The following RAD51B variants were observed in gnomAD, a reference collection of about 807,000 sequenced individuals.
The protein encoded by RAD51B is RAD51 paralog B.
RAD51B carries 38 observed loss-of-function variants against 42.2 expected under a neutral mutation model. The ratio of observed to expected loss-of-function variants is 0.90; its 90% CI spans 0.70 to 1.18. RAD51B has a LOEUF of 1.18. Ranked by LOEUF, RAD51B falls within the 50% of genes most tolerant of loss-of-function variation. RAD51B has a pLI of 0.00. For synonymous variants in RAD51B, 154 were observed against 145.2 expected (o/e 1.06, Z -0.43); for missense variants, 373 against 400.7 (o/e 0.93, Z 0.59).
chr14:68,647,459 G>GT (rs570243618), intron 10 of RAD51B, among the ~76,000 whole-genome samples: 5 of 151,806 alleles, frequency 3.3e-5, no homozygotes, highest in South Asian at 2.1e-4. Flanking sequence ...TTTCTAAGAG[G>GT]TTTTTTTTAA....
At chr14:67,840,066 T>A (rs1380171135) in intron 4 of RAD51B, among the ~76,000 whole-genome samples, 2 of 152,196 alleles carry the variant, frequency 1.3e-5, no homozygotes, top group Non-Finnish European at 2.9e-5. Context: ...GTTAAATATG[T>A]GATGAACTTT....
intron 8 of RAD51B, among the ~76,000 whole-genome samples, chr14:68,343,830 A>G (rs912929022): frequency 6.6e-6 from 1 of 152,252 alleles, no homozygotes; most frequent in African/African-American, 2.4e-5. Context: ...CTTCAGCTCC[A>G]TCTCCAGCTC....
intron 7 of RAD51B, among the ~76,000 whole-genome samples, chr14:68,258,007 G>T (rs1364883526): frequency 4.6e-5 from 7 of 152,116 alleles, no homozygotes; most frequent in Non-Finnish European, 1.0e-4. Flanking sequence ...GTTTAGTATA[G>T]TTTTTTTAAT....
intron 10 of RAD51B, among the ~76,000 whole-genome samples, chr14:68,628,741 A>G (rs540295750): frequency 6.6e-6 from 1 of 152,118 alleles, no homozygotes; most frequent in East Asian, 1.9e-4. Context: ...TCTTCTTCCA[A>G]TCTCAGAAGT....
chr14:68,598,303 A>G (rs1027160514), downstream of RAD51B, among the ~76,000 whole-genome samples: 1 of 152,226 alleles, frequency 6.6e-6, no homozygotes, highest in Non-Finnish European at 1.5e-5. Flanking sequence ...TTGTGTGTCC[A>G]TGAACCAAAT....
At chr14:67,897,710 C>T (rs1053943399) in intron 7 of RAD51B, among the ~76,000 whole-genome samples, 2 of 150,806 alleles carry the variant, frequency 1.3e-5, no homozygotes, top group Non-Finnish European at 2.9e-5. Context: ...AGTGCAATGG[C>T]GCCATCTCAG....
intron 4 of RAD51B, 102 bp downstream of exon 4, chr14:67,835,298 C>A (rs1013217108): frequency 3.5e-6 from 3 of 867,778 alleles, no homozygotes; most frequent in African/African-American, 1.7e-5. Flanking sequence ...GAACGGTAAT[C>A]TGAATTAAAT....
chr14:68,606,258 G>A (rs769698695), intron 10 of RAD51B, among the ~76,000 whole-genome samples: 1 of 152,086 alleles, frequency 6.6e-6, no homozygotes, highest in African/African-American at 2.4e-5. Context: ...AGTGAGGCTC[G>A]AATACCCATT....
chr14:68,647,985 T>G (rs1174815756), intron 10 of RAD51B, among the ~76,000 whole-genome samples: 1 of 142,584 alleles, frequency 7.0e-6, no homozygotes, highest in Non-Finnish European at 1.5e-5. Context: ...CCACTCTGAT[T>G]AGTTTTTTAA....
rs556484974 is a variant in RAD51B, at chr14:68,169,548, T to C, written c.757-122336T>C. Reference sequence around the variant, plus strand: ...TATTCTTTGAACTTTTAAATATATTTTAAATAACATATACATTTAGAAAAG... The same window carrying C: ...TATTCTTTGAACTTTTAAATATATTCTAAATAACATATACATTTAGAAAAG... On this transcript the variant is annotated intron_variant, in intron 7 of 10. Coordinates refer to ENST00000471583, the MANE Select transcript of RAD51B (RefSeq NM_133510.4). Among the ~76,000 whole-genome samples, 7 of 152,268 alleles carry C rather than the reference T, an allele frequency of 4.6e-5. No homozygotes were observed. The South Asian group carries it at 1.5e-3, about 32-fold the overall frequency.
chr14:68,630,348 T>C (rs1892197602), intron 10 of RAD51B, among the ~76,000 whole-genome samples: 1 of 152,074 alleles, frequency 6.6e-6, no homozygotes, highest in South Asian at 2.1e-4. Flanking sequence ...TCTCTGTAGA[T>C]GACAGCAGCC....
intron 10 of RAD51B, among the ~76,000 whole-genome samples, chr14:68,587,253 G>A (rs1466513529): frequency 1.3e-5 from 2 of 152,162 alleles, no homozygotes; most frequent in East Asian, 1.9e-4. Flanking sequence ...GCTTGTCTTT[G>A]TGCTGGAAAG....
Position 68,011,653 on chromosome 14 carries a change from G to A in RAD51B, c.756+124449G>A, listed in dbSNP as rs1028042073. ...TGACAGTTGCTTTAACTACAGTTAG[G>A]TACTGGCTGTACCAGTTCCAGTTTA... is the stretch of plus-strand genomic sequence containing the variant. On this transcript the variant is annotated intron_variant, in intron 7 of 10. Transcript: ENST00000471583. Among the ~76,000 whole-genome samples, 7 of 152,068 alleles carry A rather than the reference G, an allele frequency of 4.6e-5. No individual in the cohort carries two copies. In the South Asian group the frequency reaches 1.0e-3, roughly 23 times the overall value.
chr14:68,300,531 T>C (rs987895831), intron 8 of RAD51B, among the ~76,000 whole-genome samples: 3 of 152,194 alleles, frequency 2.0e-5, no homozygotes, highest in Non-Finnish European at 4.4e-5. Flanking sequence ...AATAAAAATT[T>C]TGATAGAAGT....
intron 7 of RAD51B, among the ~76,000 whole-genome samples, chr14:68,031,289 C>G (rs1162651580): frequency 6.6e-6 from 1 of 152,122 alleles, no homozygotes; most frequent in Non-Finnish European, 1.5e-5. Flanking sequence ...TTATTCACTA[C>G]CATGAGAACA....
intron 10 of RAD51B, among the ~76,000 whole-genome samples, chr14:68,649,867 C>T (rs17106094): frequency 0.056 from 8,480 of 152,266 alleles, 322 homozygotes; most frequent in Middle Eastern, 0.099. Context: ...AGCCTTTATA[C>T]AGGAGTAAGA....
chr14:68,410,941 C>CGG lies in RAD51B; in HGVS notation c.854-477_854-476dup, dbSNP rs113532492. Among the ~76,000 whole-genome samples, 180 of 151,354 alleles carry CGG rather than the reference C, an allele frequency of 1.2e-3. 1 individual carries two copies. Among genetic ancestry groups the CGG allele is most frequent in the South Asian group, 4.0e-3 (19 of 4,792 alleles). On this transcript the variant is annotated intron_variant, in intron 8 of 10. Transcript: ENST00000471583. ...GATTCCTTTTTTTGCGTTGTGTATA[C>CGG]GGGGGGGTGGGAGGACCAGGGAATT... is the stretch of plus-strand genomic sequence containing the variant.
At chr14:68,665,362 C>G (rs1028980842) in intron 11 of RAD51B, among the ~76,000 whole-genome samples, 1 of 152,222 alleles carries the variant, frequency 6.6e-6, no homozygotes, top group Admixed American at 6.5e-5. Flanking sequence ...AGACAAGGAT[C>G]GAGCTTCATC....
At chr14:67,830,035 C>T (rs948072081) in intron 3 of RAD51B, among the ~76,000 whole-genome samples, 1 of 151,936 alleles carries the variant, frequency 6.6e-6, no homozygotes, top group Non-Finnish European at 1.5e-5. Context: ...AGTTATTGGG[C>T]GTTGGGTATA....
Sources: allele counts gnomAD v4.1 joint callset (sites outside exome capture counted in the v4.1 genomes callset), GRCh38; gene constraint gnomAD v4.1.1; transcripts MANE v1.5; gene names NCBI Gene and HGNC (gene_info 2026-07-23, HGNC 2026-07-21).